Variants in ELAVL2 observed in about 807,000 individuals in gnomAD.
ELAVL2 encodes the protein ELAV like RNA binding protein 2, also known as ELAV-like protein 2.
A neutral mutation model predicts 34.6 loss-of-function variants in ELAVL2; 4 were observed. The observed-to-expected ratio is 0.12, with a 90% confidence interval of 0.06 to 0.26. The LOEUF is 0.26. Among genes scored for constraint, ELAVL2 ranks in the 10% least tolerant of loss-of-function variants. The pLI is 1.00. For synonymous variants in ELAVL2, 193 were observed against 154.8 expected, an observed-to-expected ratio of 1.25 and a Z score of -1.83; for missense variants, 432 against 442.8, an observed-to-expected ratio of 0.98 and a Z score of 0.22.
In ELAVL2 at chr9:23,692,712, G is replaced by A. The variant is rs2078204180; in HGVS notation, c.925C>T (p.Arg309Cys). The A allele has an allele frequency of 6.2e-7, 1 of 1,614,132 alleles. No individual in the cohort carries two copies. Among genetic ancestry groups the A allele is most frequent in the Non-Finnish European group, 8.5e-7 (1 of 1,180,000 alleles). ...TTGCATTTATTGGTGTTAAAGTCAC[G>A]GATGACCTTCACATTGGTGACAGCT... ...FGAVTNVKVI[R>C]DFNTNKCKGF... The change falls in exon 7 of 7, where the codon CGT becomes TGT. Residue 309 changes from arginine to cysteine, a missense_variant. Coordinates refer to ENST00000397312, the MANE Select transcript of ELAVL2 (RefSeq NM_004432.5).
intron 2 of ELAVL2, among the ~76,000 whole-genome samples, chr9:23,738,965 C>T (rs111796741): frequency 3.9e-5 from 6 of 152,178 alleles, no homozygotes; most frequent in African/African-American, 9.6e-5. Flanking sequence ...CTTAAGTTGG[C>T]GATACTGTGG....
intron 2 of ELAVL2, 78 bp downstream of exon 2, chr9:23,761,928 C>T: frequency 6.9e-6 from 10 of 1,444,632 alleles, no homozygotes; most frequent in South Asian, 6.2e-5. Context: ...GAATTATTTA[C>T]AAGCAGTAAT....
chr9:23,772,664 T>C (rs2136359292), intron 1 of ELAVL2, among the ~76,000 whole-genome samples: 1 of 152,200 alleles, frequency 6.6e-6, no homozygotes. Context: ...AATTCATTGA[T>C]GTATTGTGGA....
At chr9:23,797,243 A>C (rs1484740787) in intron 1 of ELAVL2, among the ~76,000 whole-genome samples, 2 of 152,216 alleles carry the variant, frequency 1.3e-5, no homozygotes, top group African/African-American at 4.8e-5. Flanking sequence ...CTCTGTTTAA[A>C]AGAAAAACAC....
intron 1 of ELAVL2, among the ~76,000 whole-genome samples, chr9:23,766,962 T>C (rs961753576): frequency 1.8e-4 from 27 of 152,326 alleles, no homozygotes; most frequent in African/African-American, 6.5e-4. Context: ...AAAATAATGT[T>C]TCAATATATA....
intron 2 of ELAVL2, among the ~76,000 whole-genome samples, chr9:23,748,593 AC>A (rs1196583619): frequency 6.6e-6 from 1 of 152,262 alleles, no homozygotes; most frequent in Non-Finnish European, 1.5e-5. Flanking sequence ...CAAGCTTGAA[AC>A]CAGGCAGAAC....
chr9:23,745,598 G>A (rs1406724216), intron 2 of ELAVL2, among the ~76,000 whole-genome samples: 1 of 152,086 alleles, frequency 6.6e-6, no homozygotes, highest in Non-Finnish European at 1.5e-5. Context: ...ATCTTTTCAA[G>A]GAGAACCAAA....
chr9:23,790,546 A>G (rs2060211671), intron 1 of ELAVL2, among the ~76,000 whole-genome samples: 1 of 152,204 alleles, frequency 6.6e-6, no homozygotes. Flanking sequence ...ATCTGTCACC[A>G]TAAAGCTCAA....
intron 5 of ELAVL2, among the ~76,000 whole-genome samples, chr9:23,701,106 T>C (rs1027921279): frequency 7.9e-5 from 12 of 152,124 alleles, no homozygotes; most frequent in Admixed American, 2.6e-4. Flanking sequence ...CCTCTAGACA[T>C]TGCCAAATGT....
At chr9:23,755,920 C>A (rs1588139804) in intron 2 of ELAVL2, among the ~76,000 whole-genome samples, 1 of 152,156 alleles carries the variant, frequency 6.6e-6, no homozygotes, top group African/African-American at 2.4e-5. Context: ...ACAACTGTAA[C>A]TGACATACAA....
intron 2 of ELAVL2, among the ~76,000 whole-genome samples, chr9:23,738,882 C>T (rs1283465665): frequency 6.6e-6 from 1 of 152,130 alleles, no homozygotes; most frequent in Non-Finnish European, 1.5e-5. Context: ...GATTATGCAA[C>T]TGGTAGAGCT....
At chr9:23,740,022 C>T (rs1421308089) in intron 2 of ELAVL2, among the ~76,000 whole-genome samples, 2 of 152,062 alleles carry the variant, frequency 1.3e-5, no homozygotes, top group African/African-American at 4.8e-5. Flanking sequence ...CTCACCAAGT[C>T]CATGTGAAAC....
chr9:23,847,221 A>T, the ELAVL2 span: 1 of 152,072 alleles, frequency 6.6e-6, no homozygotes, highest in South Asian at 2.1e-4. Flanking sequence ...TTATTTTTGC[A>T]TTTTTAAAAC....
chr9:23,830,878 T>C (rs938537662), upstream of ELAVL2, among the ~76,000 whole-genome samples: 1 of 151,816 alleles, frequency 6.6e-6, no homozygotes, highest in African/African-American at 2.4e-5. Context: ...AGGGAAAATC[T>C]AGGCGACTAG....
chr9:23,741,175 G>A (rs1485834542), intron 2 of ELAVL2, among the ~76,000 whole-genome samples: 1 of 152,092 alleles, frequency 6.6e-6, no homozygotes, highest in African/African-American at 2.4e-5. Context: ...AACAAATTAA[G>A]GTAATAGGAA....
chr9:23,699,822 T>G (rs959616463), intron 5 of ELAVL2, among the ~76,000 whole-genome samples: 526 of 38,452 alleles, frequency 0.014, 1 homozygote, highest in Admixed American at 0.019. Flanking sequence ...GTTTTTTTTT[T>G]TTTTTTTTTT....
chr9:23,796,522 C>A (rs1162462220), intron 1 of ELAVL2, among the ~76,000 whole-genome samples: 3 of 152,266 alleles, frequency 2.0e-5, no homozygotes, highest in African/African-American at 7.2e-5. Flanking sequence ...CAGCTTCACA[C>A]TCTAACGGTA....
chr9:23,715,394 C>T (rs1385635676), intron 3 of ELAVL2, among the ~76,000 whole-genome samples: 1 of 151,956 alleles, frequency 6.6e-6, no homozygotes, highest in Non-Finnish European at 1.5e-5. Flanking sequence ...GTGAGCCGCC[C>T]GTCTCGGCCT....
intron 2 of ELAVL2, among the ~76,000 whole-genome samples, chr9:23,738,299 C>T (rs1034845563): frequency 2.0e-5 from 3 of 152,234 alleles, no homozygotes; most frequent in Non-Finnish European, 4.4e-5. Flanking sequence ...TTTTTCTCCA[C>T]ATTTTAATTC....
Sources: allele counts gnomAD v4.1 joint callset (sites outside exome capture counted in the v4.1 genomes callset), GRCh38; gene constraint gnomAD v4.1.1; transcripts MANE v1.5; gene names NCBI Gene and HGNC (gene_info 2026-07-23, HGNC 2026-07-21).